The following DRICH1 variants were observed in gnomAD, a reference collection of about 807,000 sequenced individuals.
DRICH1 encodes aspartate rich 1, also known as aspartate-rich protein 1.
A neutral mutation model predicts 39.5 loss-of-function variants in DRICH1; 38 were observed. The observed-to-expected ratio is 0.96, with a 90% confidence interval of 0.74 to 1.26. The LOEUF (loss-of-function observed/expected upper bound fraction) is 1.26. DRICH1 is among the 50% of genes most tolerant of loss of function. The probability of loss-of-function intolerance (pLI) is 0.00; values close to 1 mark genes in which losing one functional copy is unlikely to be tolerated. For missense variants in DRICH1, 279 were observed against 270.4 expected (o/e 1.03, Z -0.22); for synonymous variants, 84 against 99.5 (o/e 0.84, Z 0.93).
At chr22:23,618,421 A>AT (rs558873871) in intron 6 of DRICH1, among the ~76,000 whole-genome samples, 30 of 150,460 alleles carry the variant, frequency 2.0e-4, no homozygotes, top group East Asian at 1.4e-3. Flanking sequence ...GCTGATCACA[A>AT]TTTTTTTTTT....
chr22:23,598,065 C>A, the DRICH1 span, among the ~76,000 whole-genome samples: 2 of 150,778 alleles, frequency 1.3e-5, no homozygotes, highest in African/African-American at 2.4e-5. Flanking sequence ...CAGGCAGGGC[C>A]ACCGGAGCTG....
chr22:23,632,071 T>C lies in DRICH1; in HGVS notation c.-48A>G, dbSNP rs762281456. 5 of 1,609,570 alleles carry C rather than the reference T, an allele frequency of 3.1e-6. No homozygotes were observed. The highest frequency in any genetic ancestry group is 4.2e-6 in the Non-Finnish European group (5 of 1,178,464). On this transcript the variant is annotated 5_prime_UTR_variant, in exon 1 of 12. Transcript: ENST00000317749. ...CTCCTGCCTCAGCCTTCAGCGAAAT[T>C]GTAACTGTGCTGCCCTAGCAGCCAC...
chr22:23,585,872 C>T, the DRICH1 span, among the ~76,000 whole-genome samples: 2 of 152,116 alleles, frequency 1.3e-5, no homozygotes, highest in South Asian at 4.1e-4. Flanking sequence ...AGGGTGCATA[C>T]TCTGAATAAT....
chr22:23,629,256 C>T (rs1928252825), intron 1 of DRICH1, among the ~76,000 whole-genome samples: 5 of 152,218 alleles, frequency 3.3e-5, no homozygotes, highest in Admixed American at 3.3e-4. Flanking sequence ...CCAGGCTGGT[C>T]TCAAACTCCT....
chr22:23,625,072 A>G (rs1927981558), intron 2 of DRICH1, among the ~76,000 whole-genome samples, 168 bp from the exon 3 acceptor site: 1 of 152,256 alleles, frequency 6.6e-6, no homozygotes, highest in Admixed American at 6.5e-5. Flanking sequence ...TGAAAAGACA[A>G]GAGCTTTTCC....
At chr22:23,610,412 G>T (rs1308085569) in intron 11 of DRICH1, 2 of 152,230 alleles carry the variant, frequency 1.3e-5, no homozygotes, top group African/African-American at 4.8e-5. Flanking sequence ...AGGGAAACTG[G>T]ACCGCTAAGC....
intron 2 of DRICH1, among the ~76,000 whole-genome samples, chr22:23,625,506 G>C (rs1569095607): frequency 6.6e-6 from 1 of 151,992 alleles, no homozygotes; most frequent in East Asian, 1.9e-4. Context: ...GCCCTCACTG[G>C]AACCAAAGAA....
At chr22:23,597,054 T>G in the DRICH1 span, among the ~76,000 whole-genome samples, 5 of 149,706 alleles carry the variant, frequency 3.3e-5, no homozygotes, top group Middle Eastern at 3.4e-3. Flanking sequence ...AATTGTTACA[T>G]CTTCTTGATG....
At chr22:23,600,162 G>T in the DRICH1 span, among the ~76,000 whole-genome samples, 10 of 152,176 alleles carry the variant, frequency 6.6e-5, no homozygotes, top group Non-Finnish European at 1.0e-4. Context: ...TGTGCTTCCA[G>T]GTACTTTGTC....
At chr22:23,614,952 A>G (rs923579213) in intron 8 of DRICH1, among the ~76,000 whole-genome samples, 1 of 152,234 alleles carries the variant, frequency 6.6e-6, no homozygotes, top group African/African-American at 2.4e-5. Flanking sequence ...TGCCATGAGG[A>G]TAAGTTTCCA....
the DRICH1 span, among the ~76,000 whole-genome samples, chr22:23,585,964 T>G: frequency 8.3e-3 from 1,266 of 152,316 alleles, 24 homozygotes; most frequent in African/African-American, 0.029. Context: ...TTCTTGTCTG[T>G]TTTTTATCTT....
At position 23,627,382 on chromosome 22, in the gene DRICH1, T is replaced by A. The variant is rs140676446; in HGVS notation, c.209-1334A>T. Among the ~76,000 whole-genome samples, 4 of 152,264 alleles carry A rather than the reference T, an allele frequency of 2.6e-5. No homozygotes were observed. In the East Asian group the frequency reaches 7.7e-4, roughly 29 times the overall value. ...GCCACCACGCCCGGCCCTGAACTTT[T>A]AATTGTAAATAGTTAAATGTATTTA... On this transcript the variant is annotated intron_variant, in intron 1 of 11. Transcript: ENST00000317749.
At chr22:23,627,641 AG>A (rs1252675695) in intron 1 of DRICH1, among the ~76,000 whole-genome samples, 5 of 152,176 alleles carry the variant, frequency 3.3e-5, no homozygotes, top group Non-Finnish European at 7.4e-5. Flanking sequence ...GGATTCCAGC[AG>A]GGGGTGCACG....
intron 1 of DRICH1, among the ~76,000 whole-genome samples, chr22:23,628,841 C>T (rs12167140): frequency 0.26 from 38,842 of 151,988 alleles, 5,053 homozygotes; most frequent in East Asian, 0.34. Context: ...GTGTCAACGG[C>T]CATCATCGCA....
chr22:23,611,565 G>A (rs1350721350), intron 11 of DRICH1, among the ~76,000 whole-genome samples: 1 of 151,954 alleles, frequency 6.6e-6, no homozygotes, highest in Non-Finnish European at 1.5e-5. Flanking sequence ...CTAATGTTTT[G>A]TATTTTTAGT....
chr22:23,627,726 G>A (rs1928153111), intron 1 of DRICH1, among the ~76,000 whole-genome samples: 1 of 152,148 alleles, frequency 6.6e-6, no homozygotes, highest in South Asian at 2.1e-4. Flanking sequence ...CAAGGGGCAG[G>A]GGCACCTCAC....
At chr22:23,624,457 T>A (rs528758522) in intron 3 of DRICH1, 1 of 599,004 alleles carries the variant, frequency 1.7e-6, no homozygotes, top group African/African-American at 2.0e-5. Flanking sequence ...TTTCTTTTTC[T>A]GTTTCTACAC....
chr22:23,613,605 T>C, intron 10 of DRICH1, 34 bp downstream of exon 10: 8 of 1,569,998 alleles, frequency 5.1e-6, no homozygotes, highest in South Asian at 1.1e-5. Flanking sequence ...GCAAGTTTTT[T>C]CCCTCAGGAA....
At chr22:23,596,489 A>G in the DRICH1 span, among the ~76,000 whole-genome samples, 8 of 152,278 alleles carry the variant, frequency 5.3e-5, no homozygotes, top group East Asian at 1.4e-3. Context: ...TCCTGGCCTC[A>G]TGCCATCTTC....
Sources: gnomAD v4.1 joint callset for allele counts (sites outside exome capture counted in the v4.1 genomes callset) on GRCh38, gnomAD v4.1.1 for gene constraint, MANE v1.5 for transcripts, NCBI Gene and HGNC (gene_info 2026-07-23, HGNC 2026-07-21) for gene names.